SLC35D4: variants seen among roughly 807,000 people sequenced by gnomAD.
The protein encoded by SLC35D4 is solute carrier family 35 member D4.
At chr18:23,366,109 A>G in the SLC35D4 span, among the ~76,000 whole-genome samples, 1 of 152,242 alleles carries the variant, frequency 6.6e-6, no homozygotes, top group Admixed American at 6.5e-5. Context: ...TTACATTTCC[A>G]AGAGGCTAGC....
the SLC35D4 span, among the ~76,000 whole-genome samples, chr18:23,355,834 C>T: frequency 5.3e-5 from 8 of 152,158 alleles, no homozygotes; most frequent in African/African-American, 1.9e-4. Flanking sequence ...AAGCTTAAGA[C>T]CCAAAGATCA....
At chr18:23,317,441 C>T in the SLC35D4 span, among the ~76,000 whole-genome samples, 736 of 152,308 alleles carry the variant, frequency 4.8e-3, 4 homozygotes, top group Middle Eastern at 0.01. Context: ...ATCTTATCAT[C>T]ACTGCAGGTA....
the SLC35D4 span, among the ~76,000 whole-genome samples, chr18:23,289,734 A>T: frequency 6.6e-6 from 1 of 152,140 alleles, no homozygotes; most frequent in Non-Finnish European, 1.5e-5. Context: ...TTAACTGATG[A>T]CATTCCACCA....
the SLC35D4 span, among the ~76,000 whole-genome samples, chr18:23,411,133 A>G: frequency 6.7e-6 from 1 of 149,460 alleles, no homozygotes; most frequent in South Asian, 2.1e-4. Context: ...GCTACAGAAG[A>G]AAGAAGGAAG....
chr18:23,287,005 C>T, the SLC35D4 span, among the ~76,000 whole-genome samples: 2 of 150,548 alleles, frequency 1.3e-5, no homozygotes, highest in African/African-American at 4.9e-5. Flanking sequence ...CTTACCATCT[C>T]CTTAAAACCT....
chr18:23,310,069 T>C, the SLC35D4 span: 4 of 328,304 alleles, frequency 1.2e-5, no homozygotes, highest in Admixed American at 6.5e-5. Context: ...AGGGAAGGGG[T>C]ATATTAAGAA....
the SLC35D4 span, among the ~76,000 whole-genome samples, chr18:23,286,509 C>T: frequency 1.3e-5 from 2 of 152,116 alleles, no homozygotes; most frequent in African/African-American, 4.8e-5. Flanking sequence ...CAGATCTTCT[C>T]AGCTTAGCGG....
At chr18:23,376,933 A>C in the SLC35D4 span, 1 of 456,704 alleles carries the variant, frequency 2.2e-6, no homozygotes, top group South Asian at 1.5e-5. Context: ...TGTTCTTTCA[A>C]GGTGCAACCT....
the SLC35D4 span, chr18:23,296,907 A>G: frequency 1.3e-5 from 2 of 152,162 alleles, no homozygotes; most frequent in Non-Finnish European, 1.5e-5. Flanking sequence ...TGACAAGTTT[A>G]TAAGGACCAC....
chr18:23,393,945 T>C, the SLC35D4 span, among the ~76,000 whole-genome samples: 2 of 152,228 alleles, frequency 1.3e-5, no homozygotes, highest in Non-Finnish European at 2.9e-5. Context: ...TCACATTTTA[T>C]CTATTCATCC....
the SLC35D4 span, among the ~76,000 whole-genome samples, chr18:23,275,075 T>C: frequency 0.068 from 10,140 of 148,078 alleles, 1,077 homozygotes; most frequent in African/African-American, 0.25. Flanking sequence ...TGCTTGTGTG[T>C]GTGTGTGCTT....
chr18:23,270,609 A>G, the SLC35D4 span, among the ~76,000 whole-genome samples: 8 of 152,238 alleles, frequency 5.3e-5, no homozygotes, highest in Non-Finnish European at 1.2e-4. Context: ...GAGGGGAACT[A>G]TACCCTGCAA....
At chr18:23,422,660 G>A in the SLC35D4 span, among the ~76,000 whole-genome samples, 8 of 151,798 alleles carry the variant, frequency 5.3e-5, no homozygotes, top group African/African-American at 1.5e-4. Context: ...TGAGCTACTC[G>A]CTTGTTTTAA....
At chr18:23,288,552 GC>G in the SLC35D4 span, among the ~76,000 whole-genome samples, 1 of 149,114 alleles carries the variant, frequency 6.7e-6, no homozygotes, top group Admixed American at 6.7e-5. Context: ...TCAGGGATTT[GC>G]CCCCCCGCCC....
chr18:23,371,447 C>T, the SLC35D4 span: 23 of 1,593,860 alleles, frequency 1.4e-5, no homozygotes, highest in Non-Finnish European at 1.9e-5. Context: ...GAATTATAGC[C>T]CAAAAATATC....
chr18:23,364,918 AAAAAAAAAAAAAAAAG>A, the SLC35D4 span, among the ~76,000 whole-genome samples: 634 of 3,948 alleles, frequency 0.16, 89 homozygotes, highest in Non-Finnish European at 0.45. Flanking sequence ...AAAAAAAAAA[AAAAAAAAAAAAAAAAG>A]GACTCCTTTC....
At chr18:23,404,780 G>A in the SLC35D4 span, among the ~76,000 whole-genome samples, 1 of 149,874 alleles carries the variant, frequency 6.7e-6, no homozygotes, top group Admixed American at 6.7e-5. Context: ...AAGGTAAAGA[G>A]ATCGAGACCA....
chr18:23,258,521 G>A, the SLC35D4 span: 4 of 152,176 alleles, frequency 2.6e-5, no homozygotes, highest in East Asian at 1.9e-4. Context: ...GGCTTACTGG[G>A]ACAGTCTGTA....
At chr18:23,370,332 A>T in the SLC35D4 span, 1 of 1,519,396 alleles carries the variant, frequency 6.6e-7, no homozygotes, top group Non-Finnish European at 9.0e-7. Flanking sequence ...GTCCGGGGAC[A>T]CACAAAATCC....
Sources: allele counts gnomAD v4.1 joint callset (sites outside exome capture counted in the v4.1 genomes callset), GRCh38; gene constraint gnomAD v4.1.1; transcripts MANE v1.5; gene names NCBI Gene and HGNC (gene_info 2026-07-23, HGNC 2026-07-21).